AUTS2: variants seen among roughly 807,000 people sequenced by gnomAD.
The protein encoded by AUTS2 is activator of transcription and developmental regulator AUTS2.
Under a neutral mutation model 112.4 loss-of-function variants are expected in AUTS2, and 17 were observed. The observed-to-expected ratio is 0.15, with a 90% CI of 0.10 to 0.23. The LOEUF is 0.23. AUTS2 is among the 10% of genes least tolerant of loss of function. The pLI is 1.00. For missense variants in AUTS2, 1,510 were observed against 1,701.6 expected, an observed-to-expected ratio of 0.89 and a Z score of 1.98; for synonymous variants, 751 against 702.7, an observed-to-expected ratio of 1.07 and a Z score of -1.09.
intron 6 of AUTS2, among the ~76,000 whole-genome samples, chr7:70,711,828 G>T (rs935185028): frequency 1.3e-5 from 2 of 152,176 alleles, no homozygotes; most frequent in African/African-American, 4.8e-5. Context: ...CTTCGGAGAG[G>T]GGTCCCAAGT....
chr7:70,633,005 A>T (rs1805345164), intron 5 of AUTS2, among the ~76,000 whole-genome samples: 1 of 152,190 alleles, frequency 6.6e-6, no homozygotes, highest in East Asian at 1.9e-4. Flanking sequence ...GGAAAAAAAA[A>T]AGTTGGTCTG....
chr7:69,846,610 G>A (rs760226513), intron 1 of AUTS2, among the ~76,000 whole-genome samples: 1 of 152,184 alleles, frequency 6.6e-6, no homozygotes, highest in Non-Finnish European at 1.5e-5. Context: ...GTCTCCCTCT[G>A]TCGCCCAGGC....
At chr7:70,722,385 A>G (rs1786747219) in intron 6 of AUTS2, among the ~76,000 whole-genome samples, 1 of 152,188 alleles carries the variant, frequency 6.6e-6, no homozygotes, top group African/African-American at 2.4e-5. Flanking sequence ...CGTGGAAAAT[A>G]TAGAGGGAGA....
intron 1 of AUTS2, among the ~76,000 whole-genome samples, chr7:69,808,785 G>A (rs1004829979): frequency 6.6e-6 from 1 of 152,140 alleles, no homozygotes; most frequent in Non-Finnish European, 1.5e-5. Flanking sequence ...TGAGGTTCTT[G>A]TCTCAAGATC....
intron 2 of AUTS2, among the ~76,000 whole-genome samples, chr7:70,012,033 G>A (rs1411623099): frequency 1.3e-5 from 2 of 152,160 alleles, no homozygotes; most frequent in Admixed American, 1.3e-4. Context: ...CACTGAGGGT[G>A]TGCAGTCATC....
intron 2 of AUTS2, among the ~76,000 whole-genome samples, chr7:70,083,242 C>G (rs938952243): frequency 3.3e-5 from 5 of 152,180 alleles, no homozygotes; most frequent in African/African-American, 1.2e-4. Context: ...CGAGTTTCCT[C>G]TCACTGCTTC....
chr7:70,723,956 G>A (rs866603040), intron 6 of AUTS2, among the ~76,000 whole-genome samples: 14 of 152,130 alleles, frequency 9.2e-5, no homozygotes, highest in Middle Eastern at 3.4e-3. Context: ...GCAGTGGTGC[G>A]ATCACCACTC....
At chr7:69,922,046 A>C (rs1462625547) in intron 2 of AUTS2, among the ~76,000 whole-genome samples, 1 of 152,122 alleles carries the variant, frequency 6.6e-6, no homozygotes, top group Non-Finnish European at 1.5e-5. Context: ...CCTGGGCAAC[A>C]AGAGTGAAAC....
intron 1 of AUTS2, chr7:69,825,865 T>G (rs1791218525): frequency 6.6e-6 from 1 of 152,210 alleles, no homozygotes; most frequent in South Asian, 2.1e-4. Flanking sequence ...GTGTGCAACA[T>G]AAATTGTCAG....
At chr7:69,769,431 T>C (rs1232091533) in intron 1 of AUTS2, among the ~76,000 whole-genome samples, 2 of 152,184 alleles carry the variant, frequency 1.3e-5, no homozygotes, top group African/African-American at 4.8e-5. Context: ...GGGTGACTTA[T>C]GTAATGTTCA....
intron 4 of AUTS2, among the ~76,000 whole-genome samples, chr7:70,211,136 G>T (rs1810860528): frequency 6.6e-6 from 1 of 152,042 alleles, no homozygotes; most frequent in African/African-American, 2.4e-5. Flanking sequence ...TGGCAGTCTC[G>T]CCTGGACCGT....
chr7:70,516,569 G>C (rs996917763), intron 5 of AUTS2, among the ~76,000 whole-genome samples: 2 of 152,074 alleles, frequency 1.3e-5, no homozygotes, highest in African/African-American at 4.8e-5. Flanking sequence ...TGGGTTCTTC[G>C]TCTCATTGTC....
chr7:69,868,209 C>T (rs1793323492), intron 1 of AUTS2, among the ~76,000 whole-genome samples: 1 of 152,050 alleles, frequency 6.6e-6, no homozygotes, highest in South Asian at 2.1e-4. Context: ...CTTCTGTTGG[C>T]TATTGGAATC....
intron 2 of AUTS2, among the ~76,000 whole-genome samples, chr7:70,110,943 C>T (rs1008786946): frequency 6.8e-5 from 10 of 146,002 alleles, no homozygotes; most frequent in African/African-American, 2.6e-4. Flanking sequence ...GCGATCTCAG[C>T]TCACTGCAAG....
At chr7:70,009,520 T>G (rs1799700933) in intron 2 of AUTS2, among the ~76,000 whole-genome samples, 1 of 152,250 alleles carries the variant, frequency 6.6e-6, no homozygotes. Flanking sequence ...AGTAGTGACC[T>G]AGATTCAAAA....
intron 4 of AUTS2, among the ~76,000 whole-genome samples, chr7:70,168,936 T>C (rs1009486578): frequency 5.9e-5 from 9 of 152,094 alleles, no homozygotes; most frequent in Admixed American, 2.0e-4. Context: ...CCCAGAATGC[T>C]AGGTATTCTC....
chr7:69,917,945 C>T (rs578181836), intron 2 of AUTS2, among the ~76,000 whole-genome samples: 6 of 151,964 alleles, frequency 3.9e-5, no homozygotes, highest in Non-Finnish European at 5.9e-5. Context: ...TGGGTTCAAA[C>T]GATTCTTCTG....
chr7:70,273,292 C>T (rs921280069), intron 4 of AUTS2, among the ~76,000 whole-genome samples: 9 of 152,174 alleles, frequency 5.9e-5, no homozygotes, highest in Non-Finnish European at 1.2e-4. Flanking sequence ...AATCTGCCGG[C>T]CTCAGCCACT....
chr7:70,743,831 G>A (rs1468113584), intron 6 of AUTS2, among the ~76,000 whole-genome samples: 1 of 152,180 alleles, frequency 6.6e-6, no homozygotes, highest in Non-Finnish European at 1.5e-5. Flanking sequence ...CCATAGTTTT[G>A]ACTGGGGCCC....
Sources: allele counts gnomAD v4.1 joint callset (sites outside exome capture counted in the v4.1 genomes callset), GRCh38; gene constraint gnomAD v4.1.1; transcripts MANE v1.5; gene names NCBI Gene and HGNC (gene_info 2026-07-23, HGNC 2026-07-21).